SAMD14: variants seen among roughly 807,000 people sequenced by gnomAD.
SAMD14 encodes the protein sterile alpha motif domain-containing protein 14.
SAMD14 carries 27 observed loss-of-function variants against 46.2 expected under a neutral mutation model. The ratio of observed to expected loss-of-function variants is 0.58; its 90% CI spans 0.43 to 0.81. The LOEUF is 0.81. SAMD14 is among the 30% of genes least tolerant of loss of function. The pLI, the probability that SAMD14 is intolerant of heterozygous loss-of-function variation, is 0.00. For synonymous variants in SAMD14, 241 were observed against 254.3 expected (o/e 0.95, Z 0.50); for missense variants, 559 against 582.2 (o/e 0.96, Z 0.41).
At chr17:50,124,830 C>A in intron 2 of SAMD14, 87 bp downstream of exon 2, 3 of 1,279,498 alleles carry the variant, frequency 2.3e-6, no homozygotes, top group Middle Eastern at 2.1e-4. Flanking sequence ...CAAGAAGCAC[C>A]CTATCCCCTT....
At position 50,118,302 on chromosome 17, in the gene SAMD14, C is replaced by G. The variant is rs145637965; in HGVS notation, c.69G>C (p.Thr23=). Residue 23 remains threonine, a synonymous_variant, in exon 3 of 10, where the codon ACG becomes ACC. Transcript: ENST00000330175. ...VFDLDLAVPE[T]ARLDSSLHKA... is the part of the protein sequence containing the mutation. The stretch of plus-strand genomic sequence containing the variant: ...TGTGTAAACTGCTGTCCAGTCTGGC[C>G]GTCTCTGGCACAGCCAAGTCCAGGT... 6.2e-7 allele frequency: 1 copy of G among 1,613,584 alleles called. No individual in the cohort carries two copies. Among genetic ancestry groups the G allele is most frequent in the Admixed American group, 1.7e-5 (1 of 60,014 alleles).
chr17:50,115,963 G>C lies in SAMD14; in HGVS notation c.587+40C>G. The C allele has an allele frequency of 6.2e-7, 1 of 1,613,568 alleles. No homozygotes were observed. The highest frequency in any genetic ancestry group is 8.5e-7 in the Non-Finnish European group (1 of 1,179,710). On this transcript the variant is annotated intron_variant, in intron 5 of 9. Transcript: ENST00000330175. The surrounding 1 kb of genome is among the most constrained non-coding windows in gnomAD (Gnocchi z 5.3). ...GCCCACTGTGCTACCCCTTACCCCA[G>C]CAGCTCCAAGCCCTGCGATCTAGCC...
intron 2 of SAMD14, among the ~76,000 whole-genome samples, chr17:50,121,738 C>T (rs1430736465): frequency 6.6e-6 from 1 of 152,168 alleles, no homozygotes; most frequent in Non-Finnish European, 1.5e-5. Context: ...CCTGAGGGGC[C>T]CAGCCCACCC....
chr17:50,124,296 T>C, intron 2 of SAMD14: 1 of 403,028 alleles, frequency 2.5e-6, no homozygotes, highest in South Asian at 1.8e-5. Context: ...ACTGAGGACG[T>C]GGGCGTGCAG....
intron 1 of SAMD14, chr17:50,125,474 C>G: frequency 6.0e-6 from 1 of 167,480 alleles, no homozygotes; most frequent in Admixed American, 5.8e-5. Context: ...AAAATCAGGA[C>G]CAGGACCCAG....
rs201496368 is a variant in SAMD14, at chr17:50,112,844, C to T, written c.*49G>A. 26 of 1,573,594 alleles carry T rather than the reference C, an allele frequency of 1.7e-5. No individual in the cohort carries two copies. The highest frequency in any genetic ancestry group is 8.0e-5 in the South Asian group (7 of 87,482). On this transcript the variant is annotated 3_prime_UTR_variant, in exon 10 of 10. Coordinates refer to ENST00000330175, the MANE Select transcript of SAMD14 (RefSeq NM_001257359.2). ...GCCTCCCTGGTGAGGCCTGTGCCCG[C>T]GGAGCCAGTGGCTGCCCCTGCCGGG...
intron 7 of SAMD14, chr17:50,114,647 G>A: frequency 1.9e-6 from 1 of 532,814 alleles, no homozygotes; most frequent in Non-Finnish European, 3.3e-6. Flanking sequence ...CTCCCGCCTG[G>A]CCTTAGTACC....
intron 1 of SAMD14, 93 bp from the exon 2 acceptor site, chr17:50,125,064 T>C (rs1911703651): frequency 8.7e-7 from 1 of 1,145,934 alleles, no homozygotes; most frequent in Non-Finnish European, 1.3e-6. Context: ...GGCTACCTGC[T>C]CCAGGCCTGT....
chr17:50,110,085 C>T lies in SAMD14; in HGVS notation c.*2808G>A, dbSNP rs1910750523. 1 of 1,606,814 alleles carries T rather than the reference C, an allele frequency of 6.2e-7. No individual in the cohort carries two copies. Among genetic ancestry groups the T allele is most frequent in the East Asian group, 2.2e-5 (1 of 44,666 alleles). On this transcript the variant is annotated 3_prime_UTR_variant, in exon 10 of 10. Coordinates refer to ENST00000330175, the MANE Select transcript of SAMD14 (RefSeq NM_001257359.2). ...CGGAGCCCAAGAACACGTCCACGTA[C>T]CGCGTCAGCTAAGGGCCGCCGTGCA...
chr17:50,116,680 T>C (rs1911225305), intron 4 of SAMD14, among the ~76,000 whole-genome samples: 1 of 151,856 alleles, frequency 6.6e-6, no homozygotes, highest in African/African-American at 2.4e-5. Context: ...GTGCTGGGAT[T>C]ACAAGCGTGA....
rs773505715 is a variant in SAMD14 at position 50,115,900 on chromosome 17, T to C, written c.592A>G (p.Thr198Ala). ...TRRKFLDLGV[T>A]LRRASTGKSR... ...TTGCCCGTGGATGCTCGGCGCAGGG[T>C]GACCCTGTGGGGAGGCAGCAGGAAG... Residue 198 changes from threonine (T) to alanine (A), a missense_variant, in exon 6 of 10, where the codon ACC (threonine) becomes GCC (alanine). Transcript: ENST00000330175. The surrounding 1 kb of genome is among the most constrained non-coding windows in gnomAD (Gnocchi z 5.3). The C allele has an allele frequency of 1.2e-6, 2 of 1,613,098 alleles. No homozygotes were observed. Among genetic ancestry groups the C allele is most frequent in the South Asian group, 2.2e-5 (2 of 91,002 alleles).
At chr17:50,124,769 G>GTGCA (rs1911679567) in intron 2 of SAMD14, 148 bp downstream of exon 2, 4 of 477,200 alleles carry the variant, frequency 8.4e-6, no homozygotes, top group East Asian at 9.0e-5. Flanking sequence ...GCACGCGCGC[G>GTGCA]CGCACACACA....
chr17:50,122,668 A>G (rs1269841180), intron 2 of SAMD14, among the ~76,000 whole-genome samples: 3 of 152,098 alleles, frequency 2.0e-5, no homozygotes, highest in Admixed American at 6.5e-5. Flanking sequence ...ATATTTGTCG[A>G]ATGGATGAAA....
intron 9 of SAMD14, 150 bp downstream of exon 9, chr17:50,113,774 G>A (rs1567717765): frequency 2.4e-6 from 2 of 819,386 alleles, no homozygotes; most frequent in East Asian, 5.3e-5. Context: ...TTGCCTAGAG[G>A]TCAGAGGTCA....
chr17:50,113,874 A>G (rs937368572), intron 9 of SAMD14, 50 bp downstream of exon 9: 2 of 1,608,506 alleles, frequency 1.2e-6, no homozygotes, highest in African/African-American at 1.3e-5. Context: ...AATCCTTGAA[A>G]GTCACCTCAA....
At position 50,117,593 on chromosome 17, in the gene SAMD14, A is replaced by G; in HGVS notation, c.313T>C (p.Leu105=). The G allele has an allele frequency of 6.4e-7, 1 of 1,554,252 alleles. No homozygotes were observed. The highest frequency in any genetic ancestry group is 8.6e-7 in the Non-Finnish European group (1 of 1,160,030). The change falls in exon 4 of 10, where the codon TTG becomes CTG. Residue 105 remains leucine (L), a synonymous_variant. Transcript: ENST00000330175. ...TCGTCCTCGTCCAGGCTGCGCCGCA[A>G]CCCCGGAGGATCCAGGCAGAAAGAG... is the stretch of plus-strand genomic sequence containing the variant. The part of the protein sequence containing the change: ...GGSFCLDPPG[L]RRSLDEDEPP...
rs145306327 is a variant in SAMD14 at position 50,125,110 on chromosome 17, C to A, written c.-12-139G>T. 3.3e-3 allele frequency: 2,374 copies of A among 720,082 alleles called. 37 individuals carry two copies. In the African/African-American group the frequency reaches 0.038, roughly 12 times the overall value. 44.6% of individuals were successfully genotyped at this position (720,082 alleles called of 1,614,324 possible). On this transcript the variant is annotated intron_variant, in intron 1 of 9. Transcript: ENST00000330175. Reference sequence around the variant, plus strand: ...CCTTACCTTAGAACCCTTCTTCTGTCCCCTGGAAGAGAAGCCACTGGAATC... The same window carrying A: ...CCTTACCTTAGAACCCTTCTTCTGTACCCTGGAAGAGAAGCCACTGGAATC...
In SAMD14 at chr17:50,110,292, C is replaced by T. The variant is rs1208086601; in HGVS notation, c.*2601G>A. Reference sequence around the variant, plus strand: ...CCAGTCCATCTCTGTGGAGACCCCTCGGTGGCCTCCCTATCTCTGTGGGCG... The same window carrying T: ...CCAGTCCATCTCTGTGGAGACCCCTTGGTGGCCTCCCTATCTCTGTGGGCG... On this transcript the variant is annotated 3_prime_UTR_variant, in exon 10 of 10. Transcript: ENST00000330175. The T allele has an allele frequency of 8.4e-6, 4 of 478,430 alleles. No individual in the cohort carries two copies. The highest frequency in any genetic ancestry group is 4.0e-5 in the African/African-American group (2 of 50,208). 29.6% of individuals were successfully genotyped at this position (478,430 alleles called of 1,614,324 possible).
intron 2 of SAMD14, 32 bp downstream of exon 2, chr17:50,124,885 A>G (rs780682478): frequency 6.2e-6 from 10 of 1,609,742 alleles, no homozygotes; most frequent in Admixed American, 1.7e-5. Context: ...GGCTGTGTCT[A>G]TTGGCTAGAG....
Sources: gnomAD v4.1 joint callset for allele counts (sites outside exome capture counted in the v4.1 genomes callset) on GRCh38, gnomAD v4.1.1 for gene constraint, Gnocchi (gnomAD v3.1) non-coding constraint, MANE v1.5 for transcripts, NCBI Gene and HGNC (gene_info 2026-07-23, HGNC 2026-07-21) for gene names.